The following CNTLN variants were observed in gnomAD, a reference collection of about 807,000 sequenced individuals.
CNTLN encodes centlein, centrosomal protein.
Under a neutral mutation model 180.0 loss-of-function variants are expected in CNTLN, and 212 were observed. That is an observed-to-expected ratio of 1.18 (90% CI 1.05 to 1.32). The LOEUF is 1.32. Ranked by LOEUF, CNTLN falls within the 40% of genes most tolerant of loss-of-function variation. The probability of loss-of-function intolerance (pLI) is 0.00; values close to 1 mark genes in which losing one functional copy is unlikely to be tolerated. For synonymous variants in CNTLN, 722 were observed against 563.1 expected (o/e 1.28, Z -3.99); for missense variants, 2,095 against 1,610.9 (o/e 1.30, Z -5.14).
At chr9:17,451,967 A>T (rs1477206486) in intron 18 of CNTLN, among the ~76,000 whole-genome samples, 1 of 152,316 alleles carries the variant, frequency 6.6e-6, no homozygotes, top group African/African-American at 2.4e-5. Context: ...GTAAAGAGCT[A>T]TACCCGATCC....
intron 2 of CNTLN, among the ~76,000 whole-genome samples, chr9:17,188,548 T>G (rs1821580540): frequency 1.3e-5 from 2 of 152,176 alleles, no homozygotes; most frequent in Non-Finnish European, 2.9e-5. Context: ...AAGACTATGA[T>G]CCTCATTTAT....
Position 17,273,747 on chromosome 9 carries a change from T to C in CNTLN, c.864T>C (p.Asn288=), listed in dbSNP as rs1313210186. Residue 288 remains asparagine (N), a synonymous_variant, in exon 6 of 26, where the codon AAT becomes AAC. Transcript: ENST00000380647. ...TCTAATTTTAGACCTTTGAAGACAATTTAATTGAAGCAAGGAAAGAAGTTG... is the reference window on the plus strand; with the variant it reads ...TCTAATTTTAGACCTTTGAAGACAACTTAATTGAAGCAAGGAAAGAAGTTG... ...TDAKIKTFED[N]LIEARKEVEV... is the part of the protein sequence containing the mutation. 1 of 1,528,142 alleles carries C rather than the reference T, an allele frequency of 6.5e-7. No homozygotes were observed. The highest frequency in any genetic ancestry group is 8.8e-7 in the Non-Finnish European group (1 of 1,135,924). The allele number at this position is 1,528,142 out of a possible 1,614,324, so 94.7% of individuals were successfully genotyped here.
chr9:17,206,364 G>T (rs999852404), intron 2 of CNTLN, among the ~76,000 whole-genome samples: 1 of 152,150 alleles, frequency 6.6e-6, no homozygotes, highest in Non-Finnish European at 1.5e-5. Context: ...TATGTTATCA[G>T]ATGAATTTGC....
intron 5 of CNTLN, among the ~76,000 whole-genome samples, chr9:17,250,005 TTC>T (rs1826045412): frequency 1.3e-5 from 2 of 151,440 alleles, no homozygotes; most frequent in African/African-American, 4.9e-5. Flanking sequence ...TTGTAAATTT[TTC>T]TGTTTCTCTG....
At chr9:17,297,030 T>C (rs1238724521) in intron 6 of CNTLN, among the ~76,000 whole-genome samples, 1 of 152,226 alleles carries the variant, frequency 6.6e-6, no homozygotes. Context: ...CAAAATATTA[T>C]GTAAGTACAA....
intron 18 of CNTLN, among the ~76,000 whole-genome samples, chr9:17,453,040 A>T (rs779798503): frequency 7.9e-5 from 12 of 152,214 alleles, no homozygotes; most frequent in Non-Finnish European, 1.3e-4. Context: ...GGTCAAGCAC[A>T]GTCGCTCATG....
chr9:17,309,536 C>T (rs909070915), intron 8 of CNTLN, among the ~76,000 whole-genome samples: 1 of 151,794 alleles, frequency 6.6e-6, no homozygotes, highest in African/African-American at 2.4e-5. Flanking sequence ...ATTAATAGGT[C>T]ATGCCCATTT....
chr9:17,417,304 T>C (rs1211942128), intron 18 of CNTLN, among the ~76,000 whole-genome samples: 1 of 152,152 alleles, frequency 6.6e-6, no homozygotes, highest in African/African-American at 2.4e-5. Context: ...CCTCTCTTTC[T>C]TCCCTTTCCT....
intron 13 of CNTLN, among the ~76,000 whole-genome samples, chr9:17,367,376 A>G (rs529306908): frequency 6.7e-6 from 1 of 149,036 alleles, no homozygotes; most frequent in African/African-American, 2.5e-5. Flanking sequence ...TCATTACCAC[A>G]GGACTTTGGG....
intron 12 of CNTLN, among the ~76,000 whole-genome samples, chr9:17,360,048 T>C (rs1041831937): frequency 1.3e-5 from 2 of 152,224 alleles, no homozygotes; most frequent in African/African-American, 4.8e-5. Context: ...TATTTCTTTT[T>C]TTCCAATTTA....
intron 23 of CNTLN, among the ~76,000 whole-genome samples, chr9:17,476,314 C>A (rs958876525): frequency 6.6e-6 from 1 of 152,160 alleles, no homozygotes; most frequent in African/African-American, 2.4e-5. Flanking sequence ...TCCTGAGACT[C>A]AACAATATTG....
intron 2 of CNTLN, among the ~76,000 whole-genome samples, chr9:17,207,752 G>A (rs1201373005): frequency 2.6e-5 from 4 of 152,026 alleles, no homozygotes; most frequent in Non-Finnish European, 4.4e-5. Context: ...CGTTGGTCTC[G>A]CTGGGAGCTG....
chr9:17,204,331 G>C (rs1822762541), intron 2 of CNTLN, among the ~76,000 whole-genome samples: 3 of 152,150 alleles, frequency 2.0e-5, no homozygotes, highest in South Asian at 4.2e-4. Flanking sequence ...ATGACCTTTG[G>C]ATGGGTTTTT....
intron 23 of CNTLN, among the ~76,000 whole-genome samples, chr9:17,475,825 A>C (rs541287059): frequency 6.6e-6 from 1 of 150,404 alleles, no homozygotes; most frequent in African/African-American, 2.4e-5. Context: ...GTGAGCCAAG[A>C]TCGCGCCACT....
chr9:17,342,328 T>C lies in CNTLN; in HGVS notation c.1770T>C (p.Thr590=). The change falls in exon 12 of 26, where the codon ACT becomes ACC. Residue 590 remains threonine (T), a synonymous_variant. Coordinates refer to ENST00000380647, the MANE Select transcript of CNTLN (RefSeq NM_017738.4). ...AGCAACTTTGTTTTAAAAATAGGAC[T>C]GAAATCAGGAAAATAAAGAGAGCAG... ...LKQWEEGSGM[T]EIRKIKRADP... The C allele has an allele frequency of 6.2e-7, 1 of 1,611,564 alleles. No homozygotes were observed. Among genetic ancestry groups the C allele is most frequent in the Non-Finnish European group, 8.5e-7 (1 of 1,179,038 alleles).
rs1490591875 is a variant in CNTLN at position 17,289,414 on chromosome 9, C to T, written c.984-8776C>T. Reference sequence around the variant, plus strand: ...GATGGGCTTCCCTTTGAGGGTAACCCGACCTTTCTCTCTGGCTGCCCTTAA... The same window carrying T: ...GATGGGCTTCCCTTTGAGGGTAACCTGACCTTTCTCTCTGGCTGCCCTTAA... On this transcript the variant is annotated intron_variant, in intron 6 of 25. Transcript: ENST00000380647. Among the ~76,000 whole-genome samples the T allele has an allele frequency of 4.3e-5, 5 of 115,120 alleles. 1 individual carries two copies. Among genetic ancestry groups the T allele is most frequent in the Non-Finnish European group, 8.6e-5 (5 of 58,416 alleles). 75.5% of individuals were successfully genotyped at this position (115,120 alleles called of 152,430 possible).
chr9:17,256,748 T>G (rs542465429), intron 5 of CNTLN, among the ~76,000 whole-genome samples: 1 of 152,042 alleles, frequency 6.6e-6, no homozygotes, highest in East Asian at 1.9e-4. Context: ...TTACTTTTCT[T>G]GTACAACTCA....
At chr9:17,263,985 T>G (rs945218904) in intron 5 of CNTLN, among the ~76,000 whole-genome samples, 5 of 145,198 alleles carry the variant, frequency 3.4e-5, no homozygotes, top group African/African-American at 1.3e-4. Context: ...TTCTCCCATT[T>G]TGTAGGTTGC....
At chr9:17,304,630 G>T (rs1818583369) in intron 7 of CNTLN, among the ~76,000 whole-genome samples, 1 of 152,096 alleles carries the variant, frequency 6.6e-6, no homozygotes, top group African/African-American at 2.4e-5. Flanking sequence ...TGCAAATACA[G>T]TTGGCACTCT....
Sources: allele counts gnomAD v4.1 joint callset (sites outside exome capture counted in the v4.1 genomes callset), GRCh38; gene constraint gnomAD v4.1.1; transcripts MANE v1.5; gene names NCBI Gene and HGNC (gene_info 2026-07-23, HGNC 2026-07-21).